KLF12: variants seen among roughly 807,000 people sequenced by gnomAD.
KLF12 encodes KLF transcription factor 12.
Under a neutral mutation model 37.8 loss-of-function variants are expected in KLF12, and 9 were observed. The ratio of observed to expected loss-of-function variants is 0.24; its 90% CI spans 0.14 to 0.42. KLF12 has a LOEUF of 0.42. KLF12 is among the 10% of genes least tolerant of loss of function. KLF12 has a pLI of 1.00. For missense variants in KLF12, 411 were observed against 516.0 expected (o/e 0.80, Z 1.97); for synonymous variants, 208 against 202.1 (o/e 1.03, Z -0.25).
At chr13:74,204,713 C>G in the KLF12 span, among the ~76,000 whole-genome samples, 2 of 152,064 alleles carry the variant, frequency 1.3e-5, no homozygotes, top group Non-Finnish European at 2.9e-5. Flanking sequence ...TATGTATGAA[C>G]CCGGCTATTA....
chr13:73,813,074 G>C lies in KLF12; in HGVS notation c.806+78C>G. 3 of 1,475,906 alleles carry C rather than the reference G, an allele frequency of 2.0e-6. 1 individual carries two copies. The South Asian group carries it at 3.6e-5, about 18-fold the overall frequency. 91.4% of individuals were successfully genotyped at this position (1,475,906 alleles called of 1,614,324 possible). ...CACAGCTAGAATGACATGGCTGGGGGACAGGAGATGCTGCAGTTTCCATTA... is the reference window on the plus strand; with the variant it reads ...CACAGCTAGAATGACATGGCTGGGGCACAGGAGATGCTGCAGTTTCCATTA... On this transcript the variant is annotated intron_variant, in intron 5 of 7. Transcript: ENST00000377669.
At chr13:74,292,893 T>C in the KLF12 span, among the ~76,000 whole-genome samples, 1 of 152,212 alleles carries the variant, frequency 6.6e-6, no homozygotes, top group Non-Finnish European at 1.5e-5. Context: ...ATGAGTAGCA[T>C]CTTTGTTTGC....
chr13:74,065,713 G>A (rs1403280340), intron 1 of KLF12, among the ~76,000 whole-genome samples: 3 of 152,000 alleles, frequency 2.0e-5, no homozygotes, highest in African/African-American at 4.8e-5. Context: ...TAGGAGTGAC[G>A]TGAGGGAAGT....
intron 4 of KLF12, among the ~76,000 whole-genome samples, chr13:73,838,096 C>A (rs1303245096): frequency 1.3e-5 from 2 of 152,144 alleles, no homozygotes; most frequent in African/African-American, 4.8e-5. Context: ...ACAAAGAGAT[C>A]TGAAATGGGA....
At chr13:74,094,736 A>C (rs1329846093) in intron 1 of KLF12, among the ~76,000 whole-genome samples, 1 of 151,958 alleles carries the variant, frequency 6.6e-6, no homozygotes, top group African/African-American at 2.4e-5. Context: ...GGTAGCTAGA[A>C]CTACAGGTGC....
At chr13:73,724,928 A>G (rs1876547327) in intron 6 of KLF12, among the ~76,000 whole-genome samples, 1 of 152,040 alleles carries the variant, frequency 6.6e-6, no homozygotes, top group Non-Finnish European at 1.5e-5. Context: ...CAACACTGAT[A>G]TTCTTTCTTT....
chr13:74,044,660 C>T (rs899291484), intron 1 of KLF12, among the ~76,000 whole-genome samples: 2 of 152,058 alleles, frequency 1.3e-5, no homozygotes, highest in African/African-American at 4.8e-5. Context: ...TCCTGACCAA[C>T]ATGGTGAAAC....
intron 1 of KLF12, among the ~76,000 whole-genome samples, chr13:74,038,933 T>G (rs1470812745): frequency 2.0e-5 from 3 of 152,126 alleles, no homozygotes; most frequent in African/African-American, 4.8e-5. Context: ...TTTATGCTAT[T>G]AGAATTTGAA....
At chr13:74,231,683 A>T in the KLF12 span, 1 of 152,214 alleles carries the variant, frequency 6.6e-6, no homozygotes, top group African/African-American at 2.4e-5. Flanking sequence ...GAAACCTTGA[A>T]GTGGATATGG....
At chr13:74,195,885 T>G in the KLF12 span, among the ~76,000 whole-genome samples, 1 of 152,132 alleles carries the variant, frequency 6.6e-6, no homozygotes, top group South Asian at 2.1e-4. Flanking sequence ...CACCTGGCAG[T>G]TGAATTTTTT....
chr13:74,023,289 T>G (rs1892889943), intron 1 of KLF12, among the ~76,000 whole-genome samples: 1 of 152,202 alleles, frequency 6.6e-6, no homozygotes, highest in African/African-American at 2.4e-5. Context: ...CGTTAAAAAT[T>G]ACTTACATGT....
At chr13:74,069,309 G>A (rs527401265) in intron 1 of KLF12, among the ~76,000 whole-genome samples, 1 of 152,250 alleles carries the variant, frequency 6.6e-6, no homozygotes, top group East Asian at 1.9e-4. Context: ...ACCGATCCTG[G>A]AACAAATCCC....
chr13:74,231,778 C>A, the KLF12 span: 1 of 152,164 alleles, frequency 6.6e-6, no homozygotes, highest in Non-Finnish European at 1.5e-5. Flanking sequence ...TAGAGACTCT[C>A]TTGCACAGGA....
At chr13:73,908,995 G>A (rs1411991730) in intron 3 of KLF12, among the ~76,000 whole-genome samples, 2 of 152,174 alleles carry the variant, frequency 1.3e-5, no homozygotes, top group Non-Finnish European at 2.9e-5. Context: ...ATGCACAGTT[G>A]GCATTGTGGC....
intron 3 of KLF12, among the ~76,000 whole-genome samples, chr13:73,938,630 C>T (rs1890056698): frequency 6.6e-6 from 1 of 152,194 alleles, no homozygotes; most frequent in Non-Finnish European, 1.5e-5. Context: ...AAGGAAGTTA[C>T]ATTACAGCTG....
At chr13:74,083,493 G>GACACACACAC (rs61312097) in intron 1 of KLF12, among the ~76,000 whole-genome samples, 59 of 136,516 alleles carry the variant, frequency 4.3e-4, no homozygotes, top group African/African-American at 1.4e-3. Context: ...GGCGATAGGA[G>GACACACACAC]ACACACACAC....
the KLF12 span, among the ~76,000 whole-genome samples, chr13:74,186,819 C>G: frequency 6.6e-6 from 1 of 152,006 alleles, no homozygotes; most frequent in African/African-American, 2.4e-5. Flanking sequence ...ATATACTTTC[C>G]CCTTTTACAG....
intron 1 of KLF12, among the ~76,000 whole-genome samples, chr13:74,016,161 AAAAC>A (rs1217949462): frequency 6.6e-6 from 1 of 152,220 alleles, no homozygotes. Context: ...AAATGGACCA[AAAAC>A]AAACAAAAAA....
intron 3 of KLF12, among the ~76,000 whole-genome samples, chr13:73,939,431 C>G (rs1008225774): frequency 6.6e-5 from 10 of 151,812 alleles, no homozygotes; most frequent in African/African-American, 2.4e-4. Context: ...TTTTTGTGTT[C>G]CATTATTTCA....
Sources: allele counts gnomAD v4.1 joint callset (sites outside exome capture counted in the v4.1 genomes callset), GRCh38; gene constraint gnomAD v4.1.1; transcripts MANE v1.5; gene names NCBI Gene and HGNC (gene_info 2026-07-23, HGNC 2026-07-21).